The following ARHGAP10 variants were observed in gnomAD, a reference collection of about 807,000 sequenced individuals.
ARHGAP10 encodes the protein Rho GTPase activating protein 10.
ARHGAP10 carries 87 observed loss-of-function variants against 108.6 expected under a neutral mutation model. That is an observed-to-expected ratio of 0.80 (90% CI 0.67 to 0.96). The LOEUF is 0.96. Ranked by LOEUF, ARHGAP10 falls within the 40% of genes least tolerant of loss-of-function variation. The pLI, the probability that ARHGAP10 is intolerant of heterozygous loss-of-function variation, is 0.00. For synonymous variants in ARHGAP10, 347 were observed against 341.1 expected (o/e 1.02, Z -0.19); for missense variants, 939 against 954.5 (o/e 0.98, Z 0.21).
At chr4:148,039,368 ATTTTTTTTT>A (rs34876546) in intron 19 of ARHGAP10, among the ~76,000 whole-genome samples, 19 of 73,090 alleles carry the variant, frequency 2.6e-4, no homozygotes, top group Admixed American at 1.3e-3. Context: ...TACTACTTCA[ATTTTTTTTT>A]TTTTTTTTTT....
chr4:147,882,267 C>A (rs543238821), intron 10 of ARHGAP10, among the ~76,000 whole-genome samples: 1 of 152,100 alleles, frequency 6.6e-6, no homozygotes, highest in African/African-American at 2.4e-5. Context: ...TCAAGACCAT[C>A]CAGGCCAAAA....
chr4:147,969,927 GA>G (rs1407495083), intron 18 of ARHGAP10, among the ~76,000 whole-genome samples: 6 of 152,290 alleles, frequency 3.9e-5, no homozygotes, highest in Middle Eastern at 3.4e-3. Flanking sequence ...AATGGACATC[GA>G]GTTTCAGATT....
intron 18 of ARHGAP10, among the ~76,000 whole-genome samples, chr4:147,977,846 A>G (rs982906298): frequency 4.0e-5 from 6 of 150,036 alleles, no homozygotes; most frequent in Middle Eastern, 3.4e-3. Flanking sequence ...AGTGTCTATT[A>G]CTTTCATCTT....
chr4:148,022,261 A>G (rs1741597167), intron 18 of ARHGAP10, among the ~76,000 whole-genome samples: 1 of 152,178 alleles, frequency 6.6e-6, no homozygotes, highest in Non-Finnish European at 1.5e-5. Flanking sequence ...TGCATCCATC[A>G]ACCCGCCCTC....
intron 16 of ARHGAP10, among the ~76,000 whole-genome samples, chr4:147,957,380 C>A (rs920005663): frequency 6.6e-6 from 1 of 152,164 alleles, no homozygotes; most frequent in Non-Finnish European, 1.5e-5. Context: ...ATCTCCTAAT[C>A]TTTTGCATAT....
chr4:147,811,842 A>G (rs1398747190), intron 1 of ARHGAP10, among the ~76,000 whole-genome samples: 1 of 152,226 alleles, frequency 6.6e-6, no homozygotes, highest in African/African-American at 2.4e-5. Context: ...TTAGAGGAAG[A>G]AGCACAGGTG....
chr4:147,836,103 T>C, intron 3 of ARHGAP10, among the ~76,000 whole-genome samples: 1 of 152,246 alleles, frequency 6.6e-6, no homozygotes. Flanking sequence ...ATTTCTGCTA[T>C]CTTTTTTCAG....
intron 13 of ARHGAP10, among the ~76,000 whole-genome samples, chr4:147,929,927 A>G (rs928173155): frequency 3.9e-5 from 6 of 152,228 alleles, no homozygotes; most frequent in African/African-American, 1.4e-4. Context: ...GCAAACCTAT[A>G]TTTGCATTTG....
chr4:147,812,249 C>A (rs1436125049), intron 1 of ARHGAP10, among the ~76,000 whole-genome samples: 3 of 152,070 alleles, frequency 2.0e-5, no homozygotes, highest in Non-Finnish European at 4.4e-5. Context: ...AAAAAGAAAA[C>A]ATCTCTTTGA....
chr4:148,009,077 G>A (rs1426664874), intron 18 of ARHGAP10, among the ~76,000 whole-genome samples: 1 of 151,232 alleles, frequency 6.6e-6, no homozygotes, highest in Non-Finnish European at 1.5e-5. Context: ...ATGATCAGAA[G>A]TTCTTTGGGG....
chr4:147,798,724 ACTCTCTCTCTCT>A lies in ARHGAP10; in HGVS notation c.155-23956_155-23945del, dbSNP rs1178256407. Among the ~76,000 whole-genome samples, 77 of 85,942 alleles carry A rather than the reference ACTCTCTCTCTCT, an allele frequency of 9.0e-4. 1 individual carries two copies. Among genetic ancestry groups the A allele is most frequent in the African/African-American group, 2.6e-3 (37 of 14,414 alleles). The allele number at this position is 85,942 out of a possible 152,430, so 56.4% of individuals were successfully genotyped here. A position where few individuals can be genotyped will look rare whatever the true frequency, so the allele number is the denominator to read the frequency against. On this transcript the variant is annotated intron_variant, in intron 1 of 22. Coordinates refer to ENST00000336498, the MANE Select transcript of ARHGAP10 (RefSeq NM_024605.4). ...TTACGTGAGGTCAGGAGTTTGAGAC[ACTCTCTCTCTCT>A]CTCTCTCTCTCTCTCTCTCTCTCTC...
chr4:147,919,412 C>A (rs896713377), intron 13 of ARHGAP10, among the ~76,000 whole-genome samples: 2 of 152,162 alleles, frequency 1.3e-5, no homozygotes, highest in African/African-American at 2.4e-5. Flanking sequence ...CACATCAACT[C>A]GTCTTTCATC....
chr4:147,895,685 C>CA (rs111297537), intron 10 of ARHGAP10, among the ~76,000 whole-genome samples: 2,341 of 128,778 alleles, frequency 0.018, 29 homozygotes, highest in African/African-American at 0.04. Flanking sequence ...GACCCTGTCT[C>CA]AAAAAAAAAA....
intron 1 of ARHGAP10, among the ~76,000 whole-genome samples, chr4:147,783,055 AATTATATAT>A (rs1415039243): frequency 2.8e-5 from 4 of 141,124 alleles, no homozygotes; most frequent in Non-Finnish European, 6.1e-5. Context: ...CTATATGTTA[AATTATATAT>A]ATTATATAAA....
chr4:147,901,808 T>G (rs1160748001), intron 10 of ARHGAP10, among the ~76,000 whole-genome samples: 3 of 152,202 alleles, frequency 2.0e-5, no homozygotes, highest in Non-Finnish European at 4.4e-5. Flanking sequence ...CTGTCCAGCA[T>G]CTGTATTTGC....
intron 20 of ARHGAP10, among the ~76,000 whole-genome samples, chr4:148,050,404 C>T (rs1322767712): frequency 2.0e-4 from 25 of 122,554 alleles, no homozygotes; most frequent in African/African-American, 7.7e-4. Context: ...GATGTAGTCT[C>T]GCTCTGTTGC....
At chr4:147,896,045 C>A (rs981292862) in intron 10 of ARHGAP10, among the ~76,000 whole-genome samples, 1 of 152,176 alleles carries the variant, frequency 6.6e-6, no homozygotes, top group African/African-American at 2.4e-5. Context: ...AAGTTAACCT[C>A]ACATTTCTGA....
chr4:147,938,721 G>A (rs1042631910), intron 13 of ARHGAP10, among the ~76,000 whole-genome samples: 2 of 152,144 alleles, frequency 1.3e-5, no homozygotes, highest in African/African-American at 4.8e-5. Flanking sequence ...CTTTTGTTGT[G>A]TTATTCTGTT....
intron 13 of ARHGAP10, among the ~76,000 whole-genome samples, chr4:147,928,601 C>G (rs867402243): frequency 7.9e-5 from 12 of 152,306 alleles, no homozygotes; most frequent in Middle Eastern, 3.4e-3. Flanking sequence ...TAATGTTTTT[C>G]TATCTGCTGT....
Sources: allele counts gnomAD v4.1 joint callset (sites outside exome capture counted in the v4.1 genomes callset), GRCh38; gene constraint gnomAD v4.1.1; transcripts MANE v1.5; gene names NCBI Gene and HGNC (gene_info 2026-07-23, HGNC 2026-07-21).